GRAMD2B: variants seen among roughly 807,000 people sequenced by gnomAD.
GRAMD2B encodes the protein GRAM domain-containing protein 2B.
A neutral mutation model predicts 59.2 loss-of-function variants in GRAMD2B; 41 were observed. The observed-to-expected ratio is 0.69, with a 90% CI of 0.54 to 0.90. The LOEUF (loss-of-function observed/expected upper bound fraction) is 0.90. GRAMD2B is among the 40% of genes least tolerant of loss of function. GRAMD2B has a pLI of 0.00. For synonymous variants in GRAMD2B, 161 were observed against 182.7 expected (o/e 0.88, Z 0.96); for missense variants, 424 against 500.5 (o/e 0.85, Z 1.46).
intron 1 of GRAMD2B, among the ~76,000 whole-genome samples, chr5:126,450,741 C>T (rs1765201450): frequency 6.6e-6 from 1 of 151,878 alleles, no homozygotes. Context: ...CCAGGTACAG[C>T]TCGGGCTGCC....
At chr5:126,440,973 T>C (rs1435888805) in intron 1 of GRAMD2B, among the ~76,000 whole-genome samples, 1 of 152,190 alleles carries the variant, frequency 6.6e-6, no homozygotes, top group African/African-American at 2.4e-5. Context: ...TATATTGACA[T>C]GTCTATTTAT....
Position 126,493,158 on chromosome 5 carries a change from T to G in GRAMD2B, c.*202T>G, listed in dbSNP as rs940786954. 3 of 561,548 alleles carry G rather than the reference T, an allele frequency of 5.3e-6. No homozygotes were observed. The highest frequency in any genetic ancestry group is 6.5e-6 in the Non-Finnish European group (2 of 309,334). 34.8% of individuals were successfully genotyped at this position (561,548 alleles called of 1,614,324 possible). A position where few individuals can be genotyped will look rare whatever the true frequency, so the allele number is the denominator to read the frequency against. ...TTGTGCAATAAAAGTTGACCTTGAC[T>G]CTCTGAGGAAGATTTTGCTGCTTTT... On this transcript the variant is annotated 3_prime_UTR_variant, in exon 14 of 14. Transcript: ENST00000285689.
At chr5:126,451,988 C>G (rs980802063) in intron 1 of GRAMD2B, among the ~76,000 whole-genome samples, 2 of 152,146 alleles carry the variant, frequency 1.3e-5, no homozygotes, top group African/African-American at 4.8e-5. Flanking sequence ...TGTAAGCTCC[C>G]TGAGGCCCTG....
intron 3 of GRAMD2B, among the ~76,000 whole-genome samples, chr5:126,470,766 C>G (rs979787201): frequency 6.6e-6 from 1 of 152,026 alleles, no homozygotes; most frequent in Admixed American, 6.5e-5. Flanking sequence ...GCCGTGTTAG[C>G]CAGGCTCATC....
upstream of GRAMD2B, among the ~76,000 whole-genome samples, chr5:126,366,925 G>T (rs1022610872): frequency 2.7e-5 from 4 of 145,802 alleles, no homozygotes; most frequent in Admixed American, 2.8e-4. Flanking sequence ...CGCGATCTCG[G>T]CTCACAAAAA....
At position 126,493,725 on chromosome 5, in the gene GRAMD2B, G is replaced by T. The variant is rs371099434; in HGVS notation, c.*769G>T. On this transcript the variant is annotated 3_prime_UTR_variant, in exon 14 of 14. Transcript: ENST00000285689. ...CCAAACCTAATTTTTAAGCCAAAAG[G>T]TGTAATAGTGATTTAATACAGGATG... 6.6e-6 allele frequency: 1 copy of T among 152,390 alleles called. No individual in the cohort carries two copies. The highest frequency in any genetic ancestry group is 1.5e-5 in the Non-Finnish European group (1 of 68,044). The allele number at this position is 152,390 out of a possible 1,614,324, so 9.4% of individuals were successfully genotyped here.
rs917532596 is a variant in GRAMD2B at position 126,451,008 on chromosome 5, T to G, written c.84-14418T>G. On this transcript the variant is annotated intron_variant, in intron 1 of 13. Transcript: ENST00000285689. ...CCAACAGGGCACTGCCTAGTGGAAC[T>G]GTAGGAAGGGGGCCACTGTCCTCCA... Among the ~76,000 whole-genome samples the G allele has an allele frequency of 7.9e-5, 12 of 152,366 alleles. No individual in the cohort carries two copies. The East Asian group carries it at 2.1e-3, about 27-fold the overall frequency.
chr5:126,383,780 C>T (rs1000366686), intron 1 of GRAMD2B, among the ~76,000 whole-genome samples: 3 of 152,286 alleles, frequency 2.0e-5, no homozygotes, highest in Non-Finnish European at 2.9e-5. Flanking sequence ...AAAAATCAAA[C>T]CCACTTTCGA....
chr5:126,381,304 G>A (rs796490701), intron 1 of GRAMD2B, among the ~76,000 whole-genome samples: 20 of 152,218 alleles, frequency 1.3e-4, no homozygotes, highest in African/African-American at 4.8e-4. Context: ...CAGTCAGCTA[G>A]TATTTTATTG....
At chr5:126,410,901 A>G (rs1758723350) in intron 1 of GRAMD2B, among the ~76,000 whole-genome samples, 1 of 151,946 alleles carries the variant, frequency 6.6e-6, no homozygotes, top group African/African-American at 2.4e-5. Context: ...GACTGTTTGT[A>G]TGTCTTCTTT....
chr5:126,466,584 C>T (rs969905013), intron 2 of GRAMD2B, among the ~76,000 whole-genome samples: 3 of 152,160 alleles, frequency 2.0e-5, no homozygotes, highest in Admixed American at 1.3e-4. Context: ...CACCACCATG[C>T]CCACCTAATT....
chr5:126,457,916 T>C (rs1193076272), intron 1 of GRAMD2B, among the ~76,000 whole-genome samples: 2 of 152,092 alleles, frequency 1.3e-5, no homozygotes, highest in African/African-American at 4.8e-5. Context: ...TCCATAACAT[T>C]GTGATTCTTT....
At chr5:126,461,052 A>G (rs916519730) in intron 1 of GRAMD2B, among the ~76,000 whole-genome samples, 2 of 152,182 alleles carry the variant, frequency 1.3e-5, no homozygotes, top group African/African-American at 4.8e-5. Flanking sequence ...ACTCAAACAC[A>G]GGGACTCATC....
chr5:126,456,296 G>A (rs749523080), intron 1 of GRAMD2B, among the ~76,000 whole-genome samples: 5 of 152,016 alleles, frequency 3.3e-5, no homozygotes, highest in Admixed American at 6.5e-5. Context: ...CTGCAGCCTC[G>A]AACCCCTGAG....
intron 1 of GRAMD2B, among the ~76,000 whole-genome samples, chr5:126,442,821 C>T (rs1187933644): frequency 6.6e-6 from 1 of 151,880 alleles, no homozygotes; most frequent in East Asian, 1.9e-4. Flanking sequence ...ATTGTAGAAA[C>T]CTTGACAAAC....
At chr5:126,442,959 A>C (rs1260189290) in intron 1 of GRAMD2B, among the ~76,000 whole-genome samples, 1 of 152,172 alleles carries the variant, frequency 6.6e-6, no homozygotes, top group Non-Finnish European at 1.5e-5. Flanking sequence ...CGAATTACTA[A>C]GTATTTGGAA....
intron 1 of GRAMD2B, among the ~76,000 whole-genome samples, chr5:126,378,261 T>C (rs1223479548): frequency 4.6e-5 from 7 of 152,198 alleles, no homozygotes; most frequent in Non-Finnish European, 8.8e-5. Context: ...CTTTTCTGTT[T>C]ACTGAAAATA....
chr5:126,411,841 G>GGTGTGTGTGTGTGTGTGCGT (rs1554075531), intron 1 of GRAMD2B, among the ~76,000 whole-genome samples: 8 of 148,768 alleles, frequency 5.4e-5, no homozygotes, highest in African/African-American at 2.0e-4. Flanking sequence ...ATATATTTCT[G>GGTGTGTGTGTGTGTGTGCGT]GTGTGTGTGT....
chr5:126,374,667 C>T (rs1430054510), intron 1 of GRAMD2B, among the ~76,000 whole-genome samples: 3 of 152,180 alleles, frequency 2.0e-5, no homozygotes, highest in Non-Finnish European at 2.9e-5. Flanking sequence ...TCCTTTCAAA[C>T]TAGGATTCTT....
Sources: allele counts gnomAD v4.1 joint callset (sites outside exome capture counted in the v4.1 genomes callset), GRCh38; gene constraint gnomAD v4.1.1; transcripts MANE v1.5; gene names NCBI Gene and HGNC (gene_info 2026-07-23, HGNC 2026-07-21).